UGT1A5: variants seen among roughly 807,000 people sequenced by gnomAD.
The protein encoded by UGT1A5 is UDP-glucuronosyltransferase 1A5.
UGT1A5 carries 29 observed loss-of-function variants against 40.3 expected under a neutral mutation model. The ratio of observed to expected loss-of-function variants is 0.72; its 90% CI spans 0.54 to 0.98. The LOEUF (loss-of-function observed/expected upper bound fraction) is 0.98. UGT1A5 is among the 50% of genes least tolerant of loss of function. The probability of loss-of-function intolerance (pLI) is 0.00; values close to 1 mark genes in which losing one functional copy is unlikely to be tolerated. For synonymous variants in UGT1A5, 257 were observed against 262.5 expected (o/e 0.98, Z 0.20); for missense variants, 678 against 677.9 (o/e 1.00, Z 0.00).
chr2:233,725,264 GGAGGCA>G lies in UGT1A5; in HGVS notation c.867+11454_867+11459del, dbSNP rs551912265. ...CAGAGGCAGAGGAGGCAGAGGCAGA[GGAGGCA>G]GAGGCAGAGGCAGAGGCAGAGGCAG... On this transcript the variant is annotated intron_variant, in intron 1 of 4. Transcript: ENST00000373414. Among the ~76,000 whole-genome samples, 500 of 58,540 alleles carry G rather than the reference GGAGGCA, an allele frequency of 8.5e-3. 122 individuals carry two copies. Among genetic ancestry groups the G allele is most frequent in the East Asian group, 0.035 (117 of 3,306 alleles). 38.4% of individuals were successfully genotyped at this position (58,540 alleles called of 152,430 possible). A position where few individuals can be genotyped will look rare whatever the true frequency, so the allele number is the denominator to read the frequency against.
chr2:233,716,849 C>T (rs569937997), intron 1 of UGT1A5, among the ~76,000 whole-genome samples: 123 of 152,312 alleles, frequency 8.1e-4, no homozygotes, highest in Admixed American at 3.1e-3. Flanking sequence ...TCAGCTACCA[C>T]ATATGCTGAT....
At chr2:233,729,299 C>T in intron 1 of UGT1A5, 2 of 1,614,234 alleles carry the variant, frequency 1.2e-6, no homozygotes, top group Non-Finnish European at 1.7e-6. Flanking sequence ...GGCCACCAGG[C>T]AGTGGTCCTC....
At chr2:233,762,311 G>T (rs1026120967) in intron 1 of UGT1A5, among the ~76,000 whole-genome samples, 9 of 152,158 alleles carry the variant, frequency 5.9e-5, no homozygotes, top group African/African-American at 2.2e-4. Context: ...CTAGTTAATG[G>T]GTCGAGAGTA....
Position 233,769,621 on chromosome 2 carries a change from A to G in UGT1A5, c.1307+1182A>G. 2 of 1,612,498 alleles carry G rather than the reference A, an allele frequency of 1.2e-6. No homozygotes were observed. The highest frequency in any genetic ancestry group is 1.7e-5 in the Admixed American group (1 of 59,994). On this transcript the variant is annotated intron_variant, in intron 4 of 4. Transcript: ENST00000373414. The surrounding 1 kb of genome is among the most constrained non-coding windows in gnomAD (Gnocchi z 4.4). Reference sequence around the variant, plus strand: ...ACACGGGGACACACCAGCTTGAGCAAGGGACAACAGGGGAGGACTGATGAC... The same window carrying G: ...ACACGGGGACACACCAGCTTGAGCAGGGGACAACAGGGGAGGACTGATGAC...
Position 233,769,475 on chromosome 2 carries a change from G to T in UGT1A5, c.1307+1036G>T. On this transcript the variant is annotated intron_variant, in intron 4 of 4. Coordinates refer to ENST00000373414, the MANE Select transcript of UGT1A5 (RefSeq NM_019078.2). The surrounding 1 kb of genome is among the most constrained non-coding windows in gnomAD (Gnocchi z 4.4). Reference sequence around the variant, plus strand: ...TGTGCATTCATATGCGTGTGTGTGTGTGTGCGTGTGTTTATGAGAGTGTCC... The same window carrying T: ...TGTGCATTCATATGCGTGTGTGTGTTTGTGCGTGTGTTTATGAGAGTGTCC... 6.2e-7 allele frequency: 1 copy of T among 1,611,166 alleles called. No homozygotes were observed.
chr2:233,760,333 C>T (rs1559406714), intron 1 of UGT1A5: 2 of 1,614,052 alleles, frequency 1.2e-6, no homozygotes, highest in East Asian at 4.5e-5. Flanking sequence ...CCTGGGCCTG[C>T]TGCTGTGTGT....
chr2:233,747,280 C>A, intron 1 of UGT1A5: 3 of 1,599,268 alleles, frequency 1.9e-6, no homozygotes, highest in Non-Finnish European at 2.6e-6. Flanking sequence ...TCTCAGTGCC[C>A]AGCCCTGGGC....
chr2:233,747,408 A>C, intron 1 of UGT1A5: 1 of 1,607,228 alleles, frequency 6.2e-7, no homozygotes. Flanking sequence ...CCCAGAGGTG[A>C]ATATGCACAT....
At chr2:233,763,196 G>C (rs1166459393) in intron 1 of UGT1A5, among the ~76,000 whole-genome samples, 1 of 152,152 alleles carries the variant, frequency 6.6e-6, no homozygotes, top group Non-Finnish European at 1.5e-5. Context: ...TGCCTTGTTT[G>C]GTGCAGTCAG....
intron 1 of UGT1A5, among the ~76,000 whole-genome samples, chr2:233,762,202 T>C (rs1698001296): frequency 2.0e-5 from 3 of 152,160 alleles, no homozygotes; most frequent in Admixed American, 1.3e-4. Flanking sequence ...GGTCTGCATG[T>C]ATTTGGCGCC....
chr2:233,769,869 A>T lies in UGT1A5; in HGVS notation c.1307+1430A>T, dbSNP rs988879005. Reference sequence around the variant, plus strand: ...TGAGACCCTGTCTCAAAAAAAAAAAAAAAAATGAAAAGTCCACATAACCTG... The same window carrying T: ...TGAGACCCTGTCTCAAAAAAAAAAATAAAAATGAAAAGTCCACATAACCTG... On this transcript the variant is annotated intron_variant, in intron 4 of 4. Transcript: ENST00000373414. This position sits in a 1 kb window ranked among gnomAD's most constrained non-coding sequence, Gnocchi z 4.4. The T allele has an allele frequency of 3.7e-5, 17 of 465,504 alleles. No individual in the cohort carries two copies. Among genetic ancestry groups the T allele is most frequent in the Non-Finnish European group, 6.1e-5 (17 of 276,814 alleles). The allele number at this position is 465,504 out of a possible 1,614,324, so 28.8% of individuals were successfully genotyped here. A position where few individuals can be genotyped will look rare whatever the true frequency, so the allele number is the denominator to read the frequency against.
Position 233,768,531 on chromosome 2 carries a change from G to A in UGT1A5, c.1307+92G>A, listed in dbSNP as rs868518109. ...AAACATTTACGTAGCATTTAATAGC[G>A]TTGTTTCAAATATAAAAACAAATAC... On this transcript the variant is annotated intron_variant, in intron 4 of 4. Transcript: ENST00000373414. 3.8e-5 allele frequency: 56 copies of A among 1,481,648 alleles called. No individual in the cohort carries two copies. In the East Asian group the frequency reaches 3.8e-4, roughly 10 times the overall value. 91.8% of individuals were successfully genotyped at this position (1,481,648 alleles called of 1,614,324 possible).
chr2:233,724,353 C>T (rs2077234748), intron 1 of UGT1A5, among the ~76,000 whole-genome samples: 1 of 148,076 alleles, frequency 6.8e-6, no homozygotes, highest in African/African-American at 2.5e-5. Flanking sequence ...CCCCCCACCT[C>T]CCTCCCGGAC....
chr2:233,742,812 T>C (rs992545321), intron 1 of UGT1A5: 2 of 153,630 alleles, frequency 1.3e-5, no homozygotes, highest in African/African-American at 4.9e-5. Context: ...AGTATTGATA[T>C]TATTTGTAGA....
At chr2:233,758,626 C>T (rs1184924928) in intron 1 of UGT1A5, among the ~76,000 whole-genome samples, 3 of 152,058 alleles carry the variant, frequency 2.0e-5, no homozygotes, top group Admixed American at 6.5e-5. Flanking sequence ...ATGCAAAGTA[C>T]CTACTCTAAG....
At position 233,713,344 on chromosome 2, in the gene UGT1A5, A is replaced by C. The variant is rs925382549; in HGVS notation, c.353A>C (p.Asn118Thr). 6.2e-7 allele frequency: 1 copy of C among 1,614,206 alleles called. No individual in the cohort carries two copies. The highest frequency in any genetic ancestry group is 1.3e-5 in the African/African-American group (1 of 75,044). The change falls in exon 1 of 5, where the codon AAC (asparagine) becomes ACC (threonine). Residue 118 changes from asparagine to threonine, a missense_variant. By Grantham distance (65) the Asn-to-Thr change is moderately conservative (BLOSUM62 0). Transcript: ENST00000373414. Reference protein sequence around the residue: ...MKFSRRMAIMNNMSLIIHRSC... With the variant: ...MKFSRRMAIMTNMSLIIHRSC... ...TTTTCTAGAAGAATGGCAATTATGAACAATATGTCTTTGATCATACATAGG... is the reference window on the plus strand; with the variant it reads ...TTTTCTAGAAGAATGGCAATTATGACCAATATGTCTTTGATCATACATAGG...
intron 1 of UGT1A5, among the ~76,000 whole-genome samples, chr2:233,746,948 G>A (rs1241927959): frequency 6.6e-6 from 1 of 151,802 alleles, no homozygotes; most frequent in Non-Finnish European, 1.5e-5. Context: ...TGAGAAACAA[G>A]AGCTTGAACT....
At chr2:233,753,865 C>G (rs560460253) in intron 1 of UGT1A5, among the ~76,000 whole-genome samples, 1 of 152,212 alleles carries the variant, frequency 6.6e-6, no homozygotes. Context: ...CACATAACCC[C>G]AAGGTCTGTC....
intron 1 of UGT1A5, among the ~76,000 whole-genome samples, chr2:233,746,183 A>G (rs985573808): frequency 4.6e-5 from 7 of 151,896 alleles, no homozygotes; most frequent in Admixed American, 6.5e-5. Context: ...TGTAAGGAAT[A>G]TATGTATAGG....
Sources: allele counts gnomAD v4.1 joint callset (sites outside exome capture counted in the v4.1 genomes callset), GRCh38; gene constraint gnomAD v4.1.1; non-coding constraint Gnocchi (gnomAD v3.1); transcripts MANE v1.5; gene names NCBI Gene and HGNC (gene_info 2026-07-23, HGNC 2026-07-21).